The following NTM variants were observed in gnomAD, a reference collection of about 807,000 sequenced individuals.
The protein encoded by NTM is neurotrimin, also known as IgLON family member 2.
Under a neutral mutation model 42.1 loss-of-function variants are expected in NTM, and 13 were observed. That is an observed-to-expected ratio of 0.31 (90% CI 0.20 to 0.49). The LOEUF (loss-of-function observed/expected upper bound fraction) is 0.49, where lower values mean the gene tolerates loss of function less well. Among genes scored for constraint, NTM ranks in the 20% least tolerant of loss-of-function variants. The pLI, the probability that NTM is intolerant of heterozygous loss-of-function variation, is 0.99. For missense variants in NTM, 373 were observed against 452.8 expected (o/e 0.82, Z 1.60); for synonymous variants, 187 against 179.2 (o/e 1.04, Z -0.35).
At chr11:131,700,688 T>C (rs2075984683) in intron 1 of NTM, among the ~76,000 whole-genome samples, 1 of 152,216 alleles carries the variant, frequency 6.6e-6, no homozygotes, top group Admixed American at 6.5e-5. Context: ...TCATCCTCAG[T>C]GTGTGCAGAA....
At chr11:132,014,039 C>T (rs1362164430) in intron 2 of NTM, among the ~76,000 whole-genome samples, 1 of 151,798 alleles carries the variant, frequency 6.6e-6, no homozygotes, top group Non-Finnish European at 1.5e-5. Context: ...TTCTTCATAC[C>T]CTTCCTCTCC....
intron 2 of NTM, among the ~76,000 whole-genome samples, chr11:131,924,409 T>C (rs1030652475): frequency 3.3e-5 from 5 of 152,132 alleles, no homozygotes; most frequent in African/African-American, 1.2e-4. Flanking sequence ...GAGGAAGAGA[T>C]TACTAGCTGC....
chr11:131,598,220 T>C (rs747728809), intron 1 of NTM, among the ~76,000 whole-genome samples: 13 of 152,244 alleles, frequency 8.5e-5, no homozygotes, highest in Non-Finnish European at 1.6e-4. Context: ...TTGCAAGAGA[T>C]GCCTCAAGGG....
chr11:131,836,403 C>A (rs2043497704), intron 1 of NTM, among the ~76,000 whole-genome samples: 1 of 152,102 alleles, frequency 6.6e-6, no homozygotes, highest in Admixed American at 6.5e-5. Context: ...AAAAGATTTG[C>A]TATGGAAATT....
chr11:132,206,285 G>A (rs865992712), intron 3 of NTM, among the ~76,000 whole-genome samples: 14 of 152,112 alleles, frequency 9.2e-5, no homozygotes, highest in African/African-American at 3.1e-4. Flanking sequence ...CTAAAACCTA[G>A]GCACTAGGCA....
intron 1 of NTM, among the ~76,000 whole-genome samples, chr11:131,789,624 A>G (rs867468740): frequency 5.7e-5 from 5 of 87,836 alleles, no homozygotes; most frequent in South Asian, 3.1e-4. Flanking sequence ...AAGAAGAAGA[A>G]GAAGAAGAAG....
intron 2 of NTM, among the ~76,000 whole-genome samples, chr11:132,038,799 C>G (rs916734758): frequency 6.6e-6 from 1 of 152,182 alleles, no homozygotes; most frequent in Non-Finnish European, 1.5e-5. Context: ...CAAAGGACGT[C>G]TCGCCTGTCT....
At chr11:131,559,325 C>T (rs919991490) in intron 1 of NTM, among the ~76,000 whole-genome samples, 1 of 152,248 alleles carries the variant, frequency 6.6e-6, no homozygotes, top group Non-Finnish European at 1.5e-5. Context: ...AAAAACTTAT[C>T]TACGACTGCT....
intron 4 of NTM, among the ~76,000 whole-genome samples, chr11:132,286,718 G>T (rs1323116997): frequency 6.6e-6 from 1 of 152,160 alleles, no homozygotes; most frequent in African/African-American, 2.4e-5. Context: ...CTGTGGGGAG[G>T]GGCCAGGAAT....
At chr11:131,415,844 A>G (rs751205318) in intron 1 of NTM, among the ~76,000 whole-genome samples, 8 of 152,198 alleles carry the variant, frequency 5.3e-5, no homozygotes, top group Non-Finnish European at 1.2e-4. Flanking sequence ...ATGGGTTAAT[A>G]TCTTGGAGGT....
intron 1 of NTM, among the ~76,000 whole-genome samples, chr11:131,583,051 T>C (rs2512894): frequency 0.33 from 50,093 of 152,174 alleles, 12,671 homozygotes; most frequent in African/African-American, 0.71. Flanking sequence ...GGGTAGCGTC[T>C]CCCTGGCTCT....
At chr11:132,024,424 A>G (rs893274699) in intron 2 of NTM, among the ~76,000 whole-genome samples, 4 of 152,222 alleles carry the variant, frequency 2.6e-5, no homozygotes, top group Admixed American at 6.5e-5. Flanking sequence ...TAGAAAATCT[A>G]TGCATATCCT....
intron 3 of NTM, among the ~76,000 whole-genome samples, chr11:132,156,763 A>G (rs1016589973): frequency 6.6e-6 from 1 of 152,238 alleles, no homozygotes; most frequent in South Asian, 2.1e-4. Context: ...CTGGAACCCA[A>G]AAATATACTT....
chr11:132,008,074 G>C (rs1680564283), intron 2 of NTM, among the ~76,000 whole-genome samples: 1 of 152,148 alleles, frequency 6.6e-6, no homozygotes, highest in African/African-American at 2.4e-5. Context: ...CTAGTCCTCT[G>C]TTCAGGCCCC....
intron 2 of NTM, among the ~76,000 whole-genome samples, chr11:132,055,696 AGAG>A: frequency 6.6e-6 from 1 of 151,994 alleles, no homozygotes; most frequent in African/African-American, 2.4e-5. Context: ...AGAGAGAGAG[AGAG>A]AACCATCAAA....
intron 1 of NTM, among the ~76,000 whole-genome samples, chr11:131,511,272 A>C (rs943742449): frequency 6.6e-6 from 1 of 152,160 alleles, no homozygotes; most frequent in Non-Finnish European, 1.5e-5. Context: ...GAGCCAAGCC[A>C]TCCCCTCAGG....
intron 1 of NTM, among the ~76,000 whole-genome samples, chr11:131,503,932 C>G (rs1357466155): frequency 6.6e-6 from 1 of 152,166 alleles, no homozygotes; most frequent in African/African-American, 2.4e-5. Flanking sequence ...CATCACCAAC[C>G]CCTACACTGA....
chr11:131,950,329 C>A (rs1034731410), intron 2 of NTM, among the ~76,000 whole-genome samples: 1 of 152,224 alleles, frequency 6.6e-6, no homozygotes, highest in Admixed American at 6.5e-5. Flanking sequence ...CACGTGGATT[C>A]CCTTGCCTGG....
chr11:131,885,764 C>T (rs901441019), intron 1 of NTM, among the ~76,000 whole-genome samples: 1 of 152,212 alleles, frequency 6.6e-6, no homozygotes, highest in Non-Finnish European at 1.5e-5. Context: ...ACAAGAGGCT[C>T]CCTGATGGGA....
Sources: allele counts gnomAD v4.1 joint callset (sites outside exome capture counted in the v4.1 genomes callset), GRCh38; gene constraint gnomAD v4.1.1; transcripts MANE v1.5; gene names NCBI Gene and HGNC (gene_info 2026-07-23, HGNC 2026-07-21).